MGAT4A: variants seen among roughly 807,000 people sequenced by gnomAD.
The protein encoded by MGAT4A is N-acetylglucosaminyltransferase IVa.
A neutral mutation model predicts 74.1 loss-of-function variants in MGAT4A; 33 were observed. That is an observed-to-expected ratio of 0.45 (90% CI 0.34 to 0.60). The LOEUF (loss-of-function observed/expected upper bound fraction) is 0.60, where lower values mean the gene tolerates loss of function less well. Among genes scored for constraint, MGAT4A ranks in the 20% least tolerant of loss-of-function variants. The probability of loss-of-function intolerance (pLI) is 0.02; values close to 1 mark genes in which losing one functional copy is unlikely to be tolerated. For synonymous variants in MGAT4A, 198 were observed against 210.4 expected, an observed-to-expected ratio of 0.94 and a Z score of 0.51; for missense variants, 479 against 628.3, an observed-to-expected ratio of 0.76 and a Z score of 2.54.
intron 5 of MGAT4A, 84 bp from the exon 6 acceptor site, chr2:98,658,348 G>GTTTTT: frequency 1.1e-5 from 8 of 737,778 alleles, no homozygotes; most frequent in African/African-American, 1.9e-5. Context: ...TTAAATGAAT[G>GTTTTT]ATAAAAACAT....
At position 98,625,624 on chromosome 2, in the gene MGAT4A, A is replaced by T. The variant is rs377715176; in HGVS notation, c.1582-32T>A. On this transcript the variant is annotated intron_variant, in intron 15 of 15. Transcript: ENST00000393487. ...TACAAAATCATAAAAGGTATGATAA[A>T]GCTGTTAATTCTCAATTCCAAAAAG... 4.4e-6 allele frequency: 7 copies of T among 1,583,002 alleles called. No homozygotes were observed. In the African/African-American group the frequency reaches 9.5e-5, roughly 21 times the overall value.
Position 98,630,616 on chromosome 2 carries a change from C to T in MGAT4A, c.1468+4606G>A, listed in dbSNP as rs1212503315. Among the ~76,000 whole-genome samples the T allele has an allele frequency of 5.3e-5, 8 of 152,086 alleles. No individual in the cohort carries two copies. In the East Asian group the frequency reaches 5.8e-4, roughly 11 times the overall value. Reference sequence around the variant, plus strand: ...TATTTTTAAATGTTCATGTTCCATACGTACATAGGCATTTTGTTCCATGAA... The same window carrying T: ...TATTTTTAAATGTTCATGTTCCATATGTACATAGGCATTTTGTTCCATGAA... On this transcript the variant is annotated intron_variant, in intron 14 of 15. Transcript: ENST00000393487.
intron 14 of MGAT4A, among the ~76,000 whole-genome samples, chr2:98,628,431 A>G (rs1423826698): frequency 6.6e-6 from 1 of 152,240 alleles, no homozygotes; most frequent in Non-Finnish European, 1.5e-5. Context: ...GCTATTAACC[A>G]TGATTTAATT....
At chr2:98,716,294 A>G (rs1205210051) in intron 2 of MGAT4A, among the ~76,000 whole-genome samples, 2 of 152,222 alleles carry the variant, frequency 1.3e-5, no homozygotes, top group Non-Finnish European at 2.9e-5. Flanking sequence ...ACTTCGCTCC[A>G]GCCTGTGTGA....
chr2:98,721,717 A>G (rs1702674717), intron 2 of MGAT4A, among the ~76,000 whole-genome samples: 1 of 152,210 alleles, frequency 6.6e-6, no homozygotes, highest in South Asian at 2.1e-4. Context: ...TCTAAAGCTG[A>G]TTCTGTTGAG....
intron 2 of MGAT4A, among the ~76,000 whole-genome samples, chr2:98,723,585 T>C (rs1414253024): frequency 1.3e-5 from 2 of 152,218 alleles, no homozygotes; most frequent in African/African-American, 2.4e-5. Context: ...CTTGCAGTAC[T>C]GTGATTACCA....
intron 3 of MGAT4A, among the ~76,000 whole-genome samples, chr2:98,676,750 T>C (rs1315046537): frequency 6.6e-6 from 1 of 152,178 alleles, no homozygotes; most frequent in Non-Finnish European, 1.5e-5. Flanking sequence ...AGTTTTAAAA[T>C]GCTCATAGTA....
intron 9 of MGAT4A, 63 bp downstream of exon 9, chr2:98,645,365 G>C: frequency 8.2e-7 from 1 of 1,224,928 alleles, no homozygotes. Flanking sequence ...GTAGCTACTT[G>C]GTTTTAGATT....
intron 1 of MGAT4A, among the ~76,000 whole-genome samples, chr2:98,728,532 G>A (rs930279625): frequency 1.3e-5 from 2 of 152,050 alleles, no homozygotes; most frequent in Non-Finnish European, 2.9e-5. Flanking sequence ...CAGATTACCC[G>A]AGGTCAGGAG....
At chr2:98,691,179 C>T (rs560811147) in intron 2 of MGAT4A, among the ~76,000 whole-genome samples, 21 of 152,160 alleles carry the variant, frequency 1.4e-4, no homozygotes, top group Admixed American at 3.9e-4. Context: ...GGAGGCTGGG[C>T]GCAGTGGCTC....
chr2:98,726,204 C>T, intron 2 of MGAT4A, 35 bp downstream of exon 2: 1 of 1,571,208 alleles, frequency 6.4e-7, no homozygotes, highest in Non-Finnish European at 8.7e-7. Flanking sequence ...AACCCTAGTA[C>T]ATTTCATGCA....
At chr2:98,711,212 T>C (rs1373563749) in intron 2 of MGAT4A, among the ~76,000 whole-genome samples, 1 of 145,808 alleles carries the variant, frequency 6.9e-6, no homozygotes, top group Non-Finnish European at 1.5e-5. Flanking sequence ...CTAAAATCTA[T>C]ATGATAAATT....
Position 98,621,118 on chromosome 2 carries a change from C to T in MGAT4A, c.*4448G>A. 3.7e-6 allele frequency: 1 copy of T among 266,820 alleles called. No homozygotes were observed. The highest frequency in any genetic ancestry group is 7.3e-5 in the East Asian group (1 of 13,746). 16.5% of individuals were successfully genotyped at this position (266,820 alleles called of 1,614,324 possible). ...GTATTCATTTCCTATTCCTACATAA[C>T]AAATTGCCACAAATTTAGCAGCTTA... is the stretch of plus-strand genomic sequence containing the variant. On this transcript the variant is annotated 3_prime_UTR_variant, in exon 16 of 16. Coordinates refer to ENST00000393487, the MANE Select transcript of MGAT4A (RefSeq NM_012214.3).
At chr2:98,673,809 A>T (rs1416666802) in intron 4 of MGAT4A, among the ~76,000 whole-genome samples, 1 of 152,230 alleles carries the variant, frequency 6.6e-6, no homozygotes, top group South Asian at 2.1e-4. Context: ...CAACTACTTA[A>T]GACATCTTAC....
At chr2:98,699,857 C>T (rs539538593) in intron 2 of MGAT4A, among the ~76,000 whole-genome samples, 74 of 152,170 alleles carry the variant, frequency 4.9e-4, no homozygotes, top group African/African-American at 1.8e-3. Flanking sequence ...CCGCTTGAAC[C>T]CCGAGTATGT....
intron 1 of MGAT4A, among the ~76,000 whole-genome samples, chr2:98,728,472 G>A (rs1702795968): frequency 6.6e-6 from 1 of 152,214 alleles, no homozygotes; most frequent in Admixed American, 6.5e-5. Flanking sequence ...CAGTGGCCAG[G>A]TGTGGTGGCT....
At chr2:98,701,591 G>T (rs1201239949) in intron 2 of MGAT4A, among the ~76,000 whole-genome samples, 1 of 152,154 alleles carries the variant, frequency 6.6e-6, no homozygotes, top group South Asian at 2.1e-4. Flanking sequence ...GGAAAAATTA[G>T]ATTAGGAGTC....
intron 2 of MGAT4A, among the ~76,000 whole-genome samples, chr2:98,682,720 C>T (rs1702078613): frequency 6.6e-6 from 1 of 152,118 alleles, no homozygotes; most frequent in Non-Finnish European, 1.5e-5. Context: ...ATGTGGGATT[C>T]CTGCCCAAAA....
intron 2 of MGAT4A, among the ~76,000 whole-genome samples, chr2:98,682,249 C>A (rs2104294135): frequency 6.6e-6 from 1 of 152,094 alleles, no homozygotes; most frequent in East Asian, 1.9e-4. Context: ...AAGGAGAAAT[C>A]CCGTCTCTAC....
Sources: allele counts gnomAD v4.1 joint callset (sites outside exome capture counted in the v4.1 genomes callset), GRCh38; gene constraint gnomAD v4.1.1; transcripts MANE v1.5; gene names NCBI Gene and HGNC (gene_info 2026-07-23, HGNC 2026-07-21).